ERAP1: variants seen among roughly 807,000 people sequenced by gnomAD.
The protein encoded by ERAP1 is endoplasmic reticulum aminopeptidase 1.
In ERAP1, 86 loss-of-function variants were observed where a neutral mutation model predicts 103.7. The observed-to-expected ratio is 0.83, with a 90% CI of 0.70 to 0.99. The LOEUF (loss-of-function observed/expected upper bound fraction) is 0.99. Among genes scored for constraint, ERAP1 ranks in the 50% least tolerant of loss-of-function variants. The pLI is 0.00. For synonymous variants in ERAP1, 398 were observed against 402.4 expected (o/e 0.99, Z 0.13); for missense variants, 1,009 against 1,128.4 (o/e 0.89, Z 1.52).
chr5:96,788,050 C>A (rs1399882298), intron 11 of ERAP1, among the ~76,000 whole-genome samples: 2 of 152,104 alleles, frequency 1.3e-5, no homozygotes, highest in Admixed American at 6.5e-5. Context: ...CATCCAGGGT[C>A]AATCAAGTTG....
At chr5:96,845,237 C>CT in the ERAP1 span, among the ~76,000 whole-genome samples, 19 of 150,508 alleles carry the variant, frequency 1.3e-4, no homozygotes, top group East Asian at 5.9e-4. Context: ...TATGTTGCAA[C>CT]TTTTTTTTTT....
In ERAP1 at chr5:96,776,170, T is replaced by C. The variant is rs1774257495; in HGVS notation, c.*226A>G. The C allele has an allele frequency of 2.0e-6, 3 of 1,504,404 alleles. No individual in the cohort carries two copies. Among genetic ancestry groups the C allele is most frequent in the African/African-American group, 2.8e-5 (2 of 72,496 alleles). 93.2% of individuals were successfully genotyped at this position (1,504,404 alleles called of 1,614,324 possible). On this transcript the variant is annotated 3_prime_UTR_variant, in exon 19 of 19. Transcript: ENST00000443439. The stretch of plus-strand genomic sequence containing the variant: ...TCTTCTGTGGCAGGGAACCCAACAC[T>C]TGGGTTTACGTTGCAGGGCAACACC...
chr5:96,933,715 C>G, the ERAP1 span, among the ~76,000 whole-genome samples: 4 of 152,190 alleles, frequency 2.6e-5, no homozygotes, highest in African/African-American at 7.2e-5. Flanking sequence ...ATCTCCTATA[C>G]TAAGTGGTTT....
At chr5:96,774,379 G>C, downstream of ERAP1, 1 of 342,002 alleles carries the variant, frequency 2.9e-6, no homozygotes, top group Non-Finnish European at 4.2e-6. Flanking sequence ...ATATCTTCGA[G>C]ACTTGGGTGT....
chr5:96,909,738 G>A, the ERAP1 span: 4 of 1,614,162 alleles, frequency 2.5e-6, no homozygotes, highest in Non-Finnish European at 3.4e-6. Flanking sequence ...TCTTCTCCCA[G>A]TGGATGGAAT....
the ERAP1 span, among the ~76,000 whole-genome samples, chr5:96,900,476 C>T: frequency 6.6e-6 from 1 of 152,112 alleles, no homozygotes; most frequent in Non-Finnish European, 1.5e-5. Flanking sequence ...ACTGCATTGG[C>T]ATCCCTTAAG....
At chr5:96,877,718 A>C in the ERAP1 span, among the ~76,000 whole-genome samples, 6 of 139,526 alleles carry the variant, frequency 4.3e-5, no homozygotes, top group South Asian at 2.5e-4. Context: ...AGACCCACAT[A>C]ATAAGCCACT....
chr5:96,903,472 C>T, the ERAP1 span: 1 of 1,613,984 alleles, frequency 6.2e-7, no homozygotes, highest in South Asian at 1.1e-5. Context: ...TGGATGGGAC[C>T]AACTCATTAC....
chr5:96,932,443 A>G, the ERAP1 span, among the ~76,000 whole-genome samples: 1 of 152,246 alleles, frequency 6.6e-6, no homozygotes, highest in Non-Finnish European at 1.5e-5. Flanking sequence ...AATGGAATAG[A>G]CTTCTAATAG....
chr5:96,773,613 A>G (rs181166590), downstream of ERAP1: 1 of 152,146 alleles, frequency 6.6e-6, no homozygotes, highest in African/African-American at 2.4e-5. Flanking sequence ...ATATATATAT[A>G]TTAAATTTGA....
At chr5:96,815,684 T>C in the ERAP1 span, among the ~76,000 whole-genome samples, 1 of 152,198 alleles carries the variant, frequency 6.6e-6, no homozygotes, top group Non-Finnish European at 1.5e-5. Flanking sequence ...AGTGCTGGGA[T>C]TACAGACACA....
intron 19 of ERAP1, chr5:96,768,248 T>G (rs1770771992): frequency 2.1e-6 from 1 of 472,754 alleles, no homozygotes. Flanking sequence ...CACACCCAGC[T>G]AATTTTTGTA....
At chr5:96,819,212 C>A in the ERAP1 span, among the ~76,000 whole-genome samples, 5 of 152,190 alleles carry the variant, frequency 3.3e-5, no homozygotes, top group African/African-American at 9.7e-5. Context: ...GCGTGAGCCA[C>A]CACACCCGGC....
At chr5:96,802,924 T>G (rs905823033) in intron 2 of ERAP1, among the ~76,000 whole-genome samples, 3 of 152,064 alleles carry the variant, frequency 2.0e-5, no homozygotes, top group Admixed American at 2.0e-4. Flanking sequence ...GTACCAGGGA[T>G]CCACGGCCAC....
chr5:96,842,033 C>A, the ERAP1 span, among the ~76,000 whole-genome samples: 2 of 152,184 alleles, frequency 1.3e-5, no homozygotes, highest in South Asian at 4.2e-4. Flanking sequence ...TGAGAACATA[C>A]GATGTTTGAT....
chr5:96,764,554 C>T (rs1311584607), intron 19 of ERAP1, among the ~76,000 whole-genome samples: 2 of 152,126 alleles, frequency 1.3e-5, no homozygotes. Context: ...CACTCATCAC[C>T]AGTGTGGCAG....
At chr5:96,892,805 TC>T in the ERAP1 span, among the ~76,000 whole-genome samples, 3 of 152,114 alleles carry the variant, frequency 2.0e-5, no homozygotes, top group African/African-American at 7.2e-5. Flanking sequence ...TCTCCTTATA[TC>T]CCCTGGTACT....
chr5:96,924,824 C>T, the ERAP1 span, among the ~76,000 whole-genome samples: 1 of 152,272 alleles, frequency 6.6e-6, no homozygotes, highest in South Asian at 2.1e-4. Context: ...TCTTGAACTC[C>T]TGACCTCAGG....
At chr5:96,793,635 T>A in intron 6 of ERAP1, 122 bp from the exon 7 acceptor site, 1 of 1,098,854 alleles carries the variant, frequency 9.1e-7, no homozygotes, top group Non-Finnish European at 1.3e-6. Context: ...AAGGTAAAAA[T>A]AAAAAAAGTT....
Sources: gnomAD v4.1 joint callset for allele counts (sites outside exome capture counted in the v4.1 genomes callset) on GRCh38, gnomAD v4.1.1 for gene constraint, MANE v1.5 for transcripts, NCBI Gene and HGNC (gene_info 2026-07-23, HGNC 2026-07-21) for gene names.